Variants in GRHL2 observed in about 807,000 individuals in gnomAD.
GRHL2 encodes the protein grainyhead like transcription factor 2, also known as grainyhead-like protein 2 homolog.
GRHL2 carries 21 observed loss-of-function variants against 83.8 expected under a neutral mutation model. That is an observed-to-expected ratio of 0.25 (90% CI 0.18 to 0.36). The LOEUF (loss-of-function observed/expected upper bound fraction) is 0.36. GRHL2 is among the 10% of genes least tolerant of loss of function. The probability of loss-of-function intolerance (pLI) is 1.00; values close to 1 mark genes in which losing one functional copy is unlikely to be tolerated. For synonymous variants in GRHL2, 280 were observed against 278.9 expected (o/e 1.00, Z -0.04); for missense variants, 623 against 781.8 (o/e 0.80, Z 2.42).
At chr8:101,594,069 C>CAAAAA (rs534396520) in intron 7 of GRHL2, among the ~76,000 whole-genome samples, 4 of 49,080 alleles carry the variant, frequency 8.1e-5, no homozygotes, top group East Asian at 7.2e-4. Context: ...GAGTCTGTAT[C>CAAAAA]AAAAAAAAAA....
chr8:101,547,912 T>C (rs949977622), intron 2 of GRHL2, among the ~76,000 whole-genome samples: 2 of 152,254 alleles, frequency 1.3e-5, no homozygotes, highest in African/African-American at 4.8e-5. Context: ...GACCTTTCCA[T>C]GAATTTCAGG....
chr8:101,494,765 A>G (rs1207251594), intron 1 of GRHL2, among the ~76,000 whole-genome samples: 4 of 152,248 alleles, frequency 2.6e-5, no homozygotes, highest in Non-Finnish European at 5.9e-5. Flanking sequence ...CAATGTGTTT[A>G]CCATCAGAAA....
intron 1 of GRHL2, among the ~76,000 whole-genome samples, chr8:101,542,391 C>T (rs1811171651): frequency 6.6e-6 from 1 of 151,840 alleles, no homozygotes; most frequent in Non-Finnish European, 1.5e-5. Flanking sequence ...GCCGTCTCTA[C>T]TAAAAATACA....
intron 14 of GRHL2, among the ~76,000 whole-genome samples, chr8:101,657,042 CCTTA>C (rs1425093612): frequency 6.6e-6 from 1 of 151,964 alleles, no homozygotes; most frequent in Non-Finnish European, 1.5e-5. Flanking sequence ...TCGCTCATGG[CCTTA>C]GTAGCACCCA....
rs1476183342 is a variant in GRHL2 at position 101,652,390 on chromosome 8, T to TGTGTGGTGTGTGTGTGTG, written c.1698+2896_1698+2897insGTGTGTGTGTGTGGTGTG. ...GTGTGTCTGATGTGTGTGTGGTGTGTGTGTGTGTCTGGTGTGTGTGTGGTG... is the reference window on the plus strand; with the variant it reads ...GTGTGTCTGATGTGTGTGTGGTGTGTGTGTGGTGTGTGTGTGTGGTGTGTGTCTGGTGTGTGTGTGGTG... On this transcript the variant is annotated intron_variant, in intron 14 of 15. Coordinates refer to ENST00000646743, the MANE Select transcript of GRHL2 (RefSeq NM_024915.4). Among the ~76,000 whole-genome samples, 60 of 66,956 alleles carry TGTGTGGTGTGTGTGTGTG rather than the reference T, an allele frequency of 9.0e-4. 1 individual carries two copies. The highest frequency in any genetic ancestry group is 4.0e-3 in the African/African-American group (40 of 9,878). 43.9% of individuals were successfully genotyped at this position (66,956 alleles called of 152,430 possible). A position where few individuals can be genotyped will look rare whatever the true frequency, so the allele number is the denominator to read the frequency against.
intron 1 of GRHL2, among the ~76,000 whole-genome samples, chr8:101,507,665 G>GTT (rs1810367606): frequency 6.7e-6 from 1 of 149,744 alleles, no homozygotes; most frequent in Non-Finnish European, 1.5e-5. Context: ...TGGCCCAATA[G>GTT]TTTTACACTG....
chr8:101,560,425 G>A (rs1218523639), intron 4 of GRHL2, among the ~76,000 whole-genome samples: 2 of 152,124 alleles, frequency 1.3e-5, no homozygotes, highest in Non-Finnish European at 2.9e-5. Flanking sequence ...TGGACATTTG[G>A]TTGCTTCCAG....
At chr8:101,643,628 A>C (rs1402951400) in intron 12 of GRHL2, among the ~76,000 whole-genome samples, 1 of 152,194 alleles carries the variant, frequency 6.6e-6, no homozygotes, top group African/African-American at 2.4e-5. Flanking sequence ...GGCCAGAGGG[A>C]GAGGTGGAAT....
intron 11 of GRHL2, among the ~76,000 whole-genome samples, chr8:101,635,993 A>G (rs994564504): frequency 2.6e-5 from 4 of 152,126 alleles, no homozygotes; most frequent in African/African-American, 9.7e-5. Flanking sequence ...TGACTAATAT[A>G]CTAGGATCAG....
chr8:101,644,118 T>A lies in GRHL2; in HGVS notation c.1518-13T>A. ...GCTGGTTTTACTTAAGGATTTCTGC[T>A]TATCTTTTCTAGTGGCAGTGTCCTT... On this transcript the variant is annotated splice_polypyrimidine_tract_variant and intron_variant, in intron 12 of 15. Transcript: ENST00000646743. 6.2e-7 allele frequency: 1 copy of A among 1,612,160 alleles called. No individual in the cohort carries two copies.
intron 14 of GRHL2, among the ~76,000 whole-genome samples, chr8:101,650,670 A>G (rs1263978928): frequency 6.6e-6 from 1 of 151,950 alleles, no homozygotes; most frequent in East Asian, 1.9e-4. Flanking sequence ...AGGTGGAACA[A>G]CTGCTTAATG....
At chr8:101,499,318 ACT>A (rs1810174414) in intron 1 of GRHL2, among the ~76,000 whole-genome samples, 1 of 152,178 alleles carries the variant, frequency 6.6e-6, no homozygotes, top group Non-Finnish European at 1.5e-5. Flanking sequence ...TAAAAAATTA[ACT>A]ATGGTTACAT....
chr8:101,636,978 G>T, intron 12 of GRHL2, 50 bp downstream of exon 12: 1 of 1,533,872 alleles, frequency 6.5e-7, no homozygotes, highest in Admixed American at 1.7e-5. Context: ...GCTCATGTCA[G>T]TGGTAATGGC....
chr8:101,646,830 CAG>C (rs1813520370), intron 13 of GRHL2, among the ~76,000 whole-genome samples: 1 of 152,180 alleles, frequency 6.6e-6, no homozygotes, highest in South Asian at 2.1e-4. Context: ...GCCACAGACA[CAG>C]AGTAATGAAA....
chr8:101,584,180 A>G (rs114413608), intron 7 of GRHL2, among the ~76,000 whole-genome samples: 467 of 152,318 alleles, frequency 3.1e-3, no homozygotes, highest in African/African-American at 0.01. Context: ...TATTAGTTAC[A>G]TTATTAATAT....
intron 1 of GRHL2, among the ~76,000 whole-genome samples, chr8:101,520,930 T>C (rs2130044521): frequency 6.6e-6 from 1 of 152,254 alleles, no homozygotes; most frequent in Admixed American, 6.5e-5. Flanking sequence ...AAGTCTCAAT[T>C]TGTGTTTGAA....
At chr8:101,648,123 A>T (rs1281229008) in intron 13 of GRHL2, among the ~76,000 whole-genome samples, 2 of 152,128 alleles carry the variant, frequency 1.3e-5, no homozygotes, top group South Asian at 2.1e-4. Flanking sequence ...CTCAGTGGGG[A>T]TGAGGGTGGC....
At chr8:101,672,767 T>A (rs928833637), downstream of GRHL2, among the ~76,000 whole-genome samples, 2 of 151,058 alleles carry the variant, frequency 1.3e-5, no homozygotes, top group Non-Finnish European at 3.0e-5. Flanking sequence ...TCACCAAAGT[T>A]GAAATGAAGG....
intron 11 of GRHL2, among the ~76,000 whole-genome samples, chr8:101,634,660 C>T (rs964274279): frequency 4.6e-5 from 7 of 152,198 alleles, no homozygotes; most frequent in African/African-American, 1.7e-4. Flanking sequence ...ACTGCGGGGC[C>T]AGCAGCCCTG....
Sources: gnomAD v4.1 joint callset for allele counts (sites outside exome capture counted in the v4.1 genomes callset) on GRCh38, gnomAD v4.1.1 for gene constraint, MANE v1.5 for transcripts, NCBI Gene and HGNC (gene_info 2026-07-23, HGNC 2026-07-21) for gene names.